DTWD2: variants seen among roughly 807,000 people sequenced by gnomAD.
The protein encoded by DTWD2 is tRNA-uridine aminocarboxypropyltransferase 2.
DTWD2 carries 39 observed loss-of-function variants against 31.8 expected under a neutral mutation model. That is an observed-to-expected ratio of 1.22 (90% confidence interval 0.95 to 1.60). DTWD2 has a LOEUF of 1.60. DTWD2 is among the 40% of genes most tolerant of loss of function. DTWD2 has a pLI of 0.00. For missense variants in DTWD2, 515 were observed against 381.5 expected (o/e 1.35, Z -2.92); for synonymous variants, 180 against 142.8 (o/e 1.26, Z -1.86).
intron 3 of DTWD2, among the ~76,000 whole-genome samples, chr5:118,938,235 CAGAAAGGA>C (rs1754088605): frequency 6.6e-6 from 1 of 152,010 alleles, no homozygotes; most frequent in African/African-American, 2.4e-5. Flanking sequence ...GGATAAGTAT[CAGAAAGGA>C]AGAAATATAA....
chr5:118,853,826 CT>C (rs540909405), intron 4 of DTWD2, among the ~76,000 whole-genome samples: 57 of 152,208 alleles, frequency 3.7e-4, no homozygotes, highest in African/African-American at 1.3e-3. Flanking sequence ...GCAATATACC[CT>C]TGTAACAAAC....
chr5:118,979,374 T>C (rs1755241031), intron 1 of DTWD2, among the ~76,000 whole-genome samples: 1 of 151,968 alleles, frequency 6.6e-6, no homozygotes. Flanking sequence ...GGTGAGGTTG[T>C]GGAGAAAAAA....
intron 3 of DTWD2, among the ~76,000 whole-genome samples, chr5:118,938,439 T>C (rs1754092526): frequency 6.6e-6 from 1 of 152,202 alleles, no homozygotes; most frequent in African/African-American, 2.4e-5. Flanking sequence ...AGTATGTCTC[T>C]TAATCATTCC....
chr5:118,864,057 C>G (rs900850916), intron 4 of DTWD2, among the ~76,000 whole-genome samples: 1 of 125,844 alleles, frequency 7.9e-6, no homozygotes. Context: ...TTTGCAGAAC[C>G]CTGATGTTCT....
intron 4 of DTWD2, among the ~76,000 whole-genome samples, chr5:118,852,977 C>T (rs1325760586): frequency 6.6e-6 from 1 of 152,070 alleles, no homozygotes; most frequent in Non-Finnish European, 1.5e-5. Context: ...AAAACCAAAC[C>T]ACATGTTCTC....
intron 1 of DTWD2, among the ~76,000 whole-genome samples, chr5:118,965,148 G>A (rs1398773632): frequency 4.6e-5 from 7 of 151,494 alleles, no homozygotes; most frequent in African/African-American, 1.5e-4. Flanking sequence ...GAGAAGTAAG[G>A]AGCCCCTCCG....
intron 5 of DTWD2, among the ~76,000 whole-genome samples, chr5:118,845,656 C>G (rs1399138364): frequency 1.3e-5 from 2 of 152,130 alleles, no homozygotes; most frequent in African/African-American, 4.8e-5. Flanking sequence ...CCAAAGCAAG[C>G]AGAATGAGGG....
intron 1 of DTWD2, among the ~76,000 whole-genome samples, chr5:118,985,495 T>TATATATATATATATATAC (rs1561483127): frequency 9.6e-6 from 1 of 103,996 alleles, no homozygotes; most frequent in Non-Finnish European, 1.9e-5. Context: ...CATTTTTATA[T>TATATATATATATATATAC]ATATATATAT....
chr5:118,986,440 C>T (rs527660004), intron 1 of DTWD2, among the ~76,000 whole-genome samples: 1 of 152,182 alleles, frequency 6.6e-6, no homozygotes, highest in South Asian at 2.1e-4. Flanking sequence ...TTTGCACTTC[C>T]TGAACAAAGC....
chr5:118,852,087 G>A (rs1307395890), intron 4 of DTWD2, among the ~76,000 whole-genome samples: 1 of 152,136 alleles, frequency 6.6e-6, no homozygotes, highest in Non-Finnish European at 1.5e-5. Flanking sequence ...GCTAGGAAAA[G>A]AATTTAGTGA....
chr5:118,915,028 C>T (rs1379690433), intron 4 of DTWD2, among the ~76,000 whole-genome samples: 1 of 152,074 alleles, frequency 6.6e-6, no homozygotes, highest in African/African-American at 2.4e-5. Flanking sequence ...GGGATCGAGA[C>T]AAACATGATA....
chr5:118,850,388 G>C (rs894583770), intron 4 of DTWD2, among the ~76,000 whole-genome samples: 2 of 131,514 alleles, frequency 1.5e-5, no homozygotes, highest in African/African-American at 5.6e-5. Context: ...TGAGGCAGGA[G>C]AATCACTTGA....
chr5:118,900,649 A>C (rs930519971), intron 4 of DTWD2, among the ~76,000 whole-genome samples: 1 of 152,174 alleles, frequency 6.6e-6, no homozygotes, highest in African/African-American at 2.4e-5. Context: ...ATCAAGGGCC[A>C]GGCGGGGTGG....
chr5:118,854,750 G>A (rs1240460911), intron 4 of DTWD2, among the ~76,000 whole-genome samples: 1 of 151,798 alleles, frequency 6.6e-6, no homozygotes, highest in Non-Finnish European at 1.5e-5. Context: ...TTGATACTAT[G>A]GGAAACTAGT....
At chr5:118,905,129 A>AT (rs1298592492) in intron 4 of DTWD2, among the ~76,000 whole-genome samples, 3 of 151,912 alleles carry the variant, frequency 2.0e-5, no homozygotes, top group Non-Finnish European at 2.9e-5. Context: ...ATATTAATGT[A>AT]TAAGTATAAG....
chr5:118,929,345 TGA>T (rs1248729092), intron 3 of DTWD2, among the ~76,000 whole-genome samples: 1 of 152,216 alleles, frequency 6.6e-6, no homozygotes, highest in Non-Finnish European at 1.5e-5. Flanking sequence ...TAACAATGGC[TGA>T]GTCTTGGCCA....
intron 4 of DTWD2, among the ~76,000 whole-genome samples, chr5:118,861,720 T>C (rs1436807927): frequency 1.3e-5 from 2 of 152,216 alleles, no homozygotes; most frequent in East Asian, 1.9e-4. Flanking sequence ...AAGTTCCCTG[T>C]GTCATGGGTC....
At chr5:118,926,279 C>G (rs1259068624) in intron 4 of DTWD2, among the ~76,000 whole-genome samples, 3 of 152,086 alleles carry the variant, frequency 2.0e-5, no homozygotes, top group Admixed American at 1.3e-4. Flanking sequence ...GGCCATTATT[C>G]TAAGTGAAGT....
At chr5:118,935,598 T>C (rs550779856) in intron 3 of DTWD2, among the ~76,000 whole-genome samples, 1 of 152,210 alleles carries the variant, frequency 6.6e-6, no homozygotes, top group South Asian at 2.1e-4. Flanking sequence ...GTGTTGAAGT[T>C]TGTGGTGTTG....
Sources: gnomAD v4.1 joint callset for allele counts (sites outside exome capture counted in the v4.1 genomes callset) on GRCh38, gnomAD v4.1.1 for gene constraint, MANE v1.5 for transcripts, NCBI Gene and HGNC (gene_info 2026-07-23, HGNC 2026-07-21) for gene names.